GRM4: variants seen among roughly 807,000 people sequenced by gnomAD.
The protein encoded by GRM4 is metabotropic glutamate receptor 4.
In GRM4, 28 loss-of-function variants were observed where a neutral mutation model predicts 81.7. The observed-to-expected ratio is 0.34, with a 90% CI of 0.25 to 0.47. GRM4 has a LOEUF of 0.47. Among genes scored for constraint, GRM4 ranks in the 20% least tolerant of loss-of-function variants. The pLI, the probability that GRM4 is intolerant of heterozygous loss-of-function variation, is 1.00. For synonymous variants in GRM4, 488 were observed against 528.8 expected, an observed-to-expected ratio of 0.92 and a Z score of 1.06; for missense variants, 948 against 1,290.0, an observed-to-expected ratio of 0.73 and a Z score of 4.06.
At chr6:34,138,330 C>T (rs528275681) in intron 1 of GRM4, among the ~76,000 whole-genome samples, 12 of 152,352 alleles carry the variant, frequency 7.9e-5, no homozygotes, top group Admixed American at 2.0e-4. Flanking sequence ...TCCCTGTGTT[C>T]CCACCAGCAC....
At chr6:34,067,200 T>G (rs1203471986) in intron 3 of GRM4, among the ~76,000 whole-genome samples, 1 of 152,200 alleles carries the variant, frequency 6.6e-6, no homozygotes, top group Admixed American at 6.5e-5. Flanking sequence ...CCTGTCGTAT[T>G]TTTCAGTCTC....
chr6:34,131,082 T>G (rs953350146), intron 2 of GRM4, among the ~76,000 whole-genome samples: 1 of 152,228 alleles, frequency 6.6e-6, no homozygotes, highest in South Asian at 2.1e-4. Flanking sequence ...GGCCCTGGCC[T>G]GGGACAGCCC....
rs1581718850 is a variant in GRM4, at chr6:34,121,969, T to C, written c.519+11009A>G. Among the ~76,000 whole-genome samples the C allele has an allele frequency of 6.7e-6, 1 of 148,554 alleles. No homozygotes were observed. Among genetic ancestry groups the C allele is most frequent in the Non-Finnish European group, 1.5e-5 (1 of 67,424 alleles). On this transcript the variant is annotated intron_variant, in intron 2 of 10. Coordinates refer to ENST00000538487, the MANE Select transcript of GRM4 (RefSeq NM_000841.4). The surrounding 1 kb of genome is among the most constrained non-coding windows in gnomAD (Gnocchi z 4.6). ...GGGCACCCTGAGTCGGAGGGAGGGGTCTGGGTGGGGCGGGTGCCCACCAGG... is the reference window on the plus strand; with the variant it reads ...GGGCACCCTGAGTCGGAGGGAGGGGCCTGGGTGGGGCGGGTGCCCACCAGG...
intron 2 of GRM4, among the ~76,000 whole-genome samples, chr6:34,117,071 A>T (rs1342923675): frequency 6.6e-6 from 1 of 152,240 alleles, no homozygotes; most frequent in Non-Finnish European, 1.5e-5. Context: ...AATGTTCTCT[A>T]TCGGATACCG....
intron 2 of GRM4, among the ~76,000 whole-genome samples, chr6:34,125,979 C>T (rs1182441482): frequency 6.6e-6 from 1 of 152,218 alleles, no homozygotes; most frequent in African/African-American, 2.4e-5. Flanking sequence ...CCCTAGCCTC[C>T]CCTGAGCACC....
At chr6:34,087,950 C>T (rs1767998079) in intron 3 of GRM4, among the ~76,000 whole-genome samples, 1 of 152,074 alleles carries the variant, frequency 6.6e-6, no homozygotes, top group African/African-American at 2.4e-5. Context: ...GTCTCTAGCC[C>T]CATCCCTGGA....
intron 1 of GRM4, among the ~76,000 whole-genome samples, chr6:34,138,248 C>T (rs553361724): frequency 4.6e-5 from 7 of 152,100 alleles, no homozygotes; most frequent in African/African-American, 9.7e-5. Flanking sequence ...GACTCAGGCC[C>T]GAGCCCCTTG....
At chr6:34,103,540 C>T (rs1429613172) in intron 2 of GRM4, 13 of 1,461,748 alleles carry the variant, frequency 8.9e-6, no homozygotes, top group Middle Eastern at 1.7e-4. Flanking sequence ...AGCACTTGTC[C>T]TATTTCATAG....
Position 34,019,737 on chromosome 6 carries a change from C to T in GRM4, c.*3084G>A, listed in dbSNP as rs1301599609. The stretch of plus-strand genomic sequence containing the variant: ...AGGGTGCCAGGGACCCTGAACCCCC[C>T]ATCTTGTTGAAATCTAACATTCTGA... On this transcript the variant is annotated 3_prime_UTR_variant, in exon 11 of 11. Coordinates refer to ENST00000538487, the MANE Select transcript of GRM4 (RefSeq NM_000841.4). 1.3e-5 allele frequency: 2 copies of T among 152,188 alleles called. No individual in the cohort carries two copies. The highest frequency in any genetic ancestry group is 2.9e-5 in the Non-Finnish European group (2 of 68,046). The allele number at this position is 152,188 out of a possible 1,614,324, so 9.4% of individuals were successfully genotyped here. A position where few individuals can be genotyped will look rare whatever the true frequency, so the allele number is the denominator to read the frequency against.
chr6:34,125,765 G>T (rs888896153), intron 2 of GRM4, among the ~76,000 whole-genome samples: 1 of 152,212 alleles, frequency 6.6e-6, no homozygotes, highest in African/African-American at 2.4e-5. Context: ...CCTGGCTCTG[G>T]TCTGGAGGTT....
At chr6:34,119,512 C>G (rs1366342182) in intron 2 of GRM4, among the ~76,000 whole-genome samples, 1 of 152,226 alleles carries the variant, frequency 6.6e-6, no homozygotes, top group African/African-American at 2.4e-5. Context: ...GGAGGTGTCA[C>G]AGGGCACCAC....
rs961155387 is a variant in GRM4 at position 34,121,032 on chromosome 6, T to A, written c.519+11946A>T. 2.0e-5 allele frequency among the ~76,000 whole-genome samples: 3 copies of A among 152,214 alleles called. No homozygotes were observed. Among genetic ancestry groups the A allele is most frequent in the African/African-American group, 7.2e-5 (3 of 41,454 alleles). On this transcript the variant is annotated intron_variant, in intron 2 of 10. Coordinates refer to ENST00000538487, the MANE Select transcript of GRM4 (RefSeq NM_000841.4). This position sits in a 1 kb window ranked among gnomAD's most constrained non-coding sequence, Gnocchi z 4.6. ...GTTTTAAATCATTTATTAAGATACG[T>A]GCACACCTTGGTGAAAGAGAGTAAG...
At chr6:34,063,444 G>A (rs975874768) in intron 3 of GRM4, 2 of 152,498 alleles carry the variant, frequency 1.3e-5, no homozygotes, top group Non-Finnish European at 2.9e-5. Flanking sequence ...CAGGCATTCT[G>A]GAGAGAACAG....
chr6:34,024,263 G>A (rs1204133726), intron 10 of GRM4: 2 of 189,844 alleles, frequency 1.1e-5, no homozygotes, highest in African/African-American at 4.6e-5. Context: ...AGGACTGTGT[G>A]CAGCTCCCAT....
At position 34,022,882 on chromosome 6, in the gene GRM4, G is replaced by C; in HGVS notation, c.2690-12C>G. 1.2e-6 allele frequency: 2 copies of C among 1,612,098 alleles called. No homozygotes were observed. Among genetic ancestry groups the C allele is most frequent in the Non-Finnish European group, 8.5e-7 (1 of 1,178,110 alleles). The stretch of plus-strand genomic sequence containing the variant: ...TTTGGTGGCCAGCGCTGGAAGGAGA[G>C]AGACCAGGGGTACCCAGGAGTCAGG... On this transcript the variant is annotated splice_polypyrimidine_tract_variant and intron_variant, in intron 10 of 10. Transcript: ENST00000538487. This position sits in a 1 kb window ranked among gnomAD's most constrained non-coding sequence, Gnocchi z 5.6.
intron 2 of GRM4, among the ~76,000 whole-genome samples, chr6:34,094,677 T>A (rs1178252831): frequency 1.3e-5 from 2 of 152,188 alleles, no homozygotes; most frequent in Non-Finnish European, 2.9e-5. Flanking sequence ...CCTCTCTTGC[T>A]GGCCTCTGCT....
chr6:34,056,866 CTGTAT>C (rs1415072545), intron 5 of GRM4, among the ~76,000 whole-genome samples, 182 bp from the exon 6 acceptor site: 3 of 152,202 alleles, frequency 2.0e-5, no homozygotes, highest in Non-Finnish European at 4.4e-5. Context: ...ATGAAAAGAG[CTGTAT>C]TAGGTCCCAG....
chr6:34,025,093 G>C (rs778671818), intron 10 of GRM4, among the ~76,000 whole-genome samples: 1 of 152,156 alleles, frequency 6.6e-6, no homozygotes, highest in African/African-American at 2.4e-5. Flanking sequence ...CACTCTCTCT[G>C]AGCCTCAGGC....
At chr6:34,072,678 A>ACC (rs1767003955) in intron 3 of GRM4, among the ~76,000 whole-genome samples, 1 of 145,288 alleles carries the variant, frequency 6.9e-6, no homozygotes, top group Admixed American at 6.9e-5. Context: ...CACCACACAC[A>ACC]CACACATCAC....
Sources: gnomAD v4.1 joint callset for allele counts (sites outside exome capture counted in the v4.1 genomes callset) on GRCh38, gnomAD v4.1.1 for gene constraint, Gnocchi (gnomAD v3.1) non-coding constraint, MANE v1.5 for transcripts, NCBI Gene and HGNC (gene_info 2026-07-23, HGNC 2026-07-21) for gene names.